The following APOB variants were observed in gnomAD, a reference collection of about 807,000 sequenced individuals.
The protein encoded by APOB is apolipoprotein B-100.
APOB carries 153 observed loss-of-function variants against 314.1 expected under a neutral mutation model. That is an observed-to-expected ratio of 0.49 (90% CI 0.43 to 0.56). The LOEUF (loss-of-function observed/expected upper bound fraction) is 0.56. Ranked by LOEUF, APOB falls within the 20% of genes least tolerant of loss-of-function variation. The probability of loss-of-function intolerance (pLI) is 0.00; values close to 1 mark genes in which losing one functional copy is unlikely to be tolerated. For synonymous variants in APOB, 2,087 were observed against 2,036.4 expected, an observed-to-expected ratio of 1.02 and a Z score of -0.67; for missense variants, 5,430 against 5,350.7, an observed-to-expected ratio of 1.01 and a Z score of -0.46.
chr2:21,018,117 A>G (rs1663520671), intron 20 of APOB, among the ~76,000 whole-genome samples: 1 of 152,092 alleles, frequency 6.6e-6, no homozygotes, highest in Non-Finnish European at 1.5e-5. Context: ...CTTACACTCA[A>G]CATCCACTGT....
At chr2:21,043,674 C>T (rs1447654742) in intron 1 of APOB, 123 bp from the exon 2 acceptor site, 39 of 1,499,764 alleles carry the variant, frequency 2.6e-5, no homozygotes, top group Non-Finnish European at 3.5e-5. Context: ...CCGGAGACCC[C>T]CTCCTCAGCC....
chr2:21,039,555 G>T (rs597331), intron 4 of APOB, among the ~76,000 whole-genome samples: 2 of 152,022 alleles, frequency 1.3e-5, no homozygotes, highest in Non-Finnish European at 2.9e-5. Flanking sequence ...TTCCCAACAC[G>T]AAGAAATGAT....
chr2:21,013,793 C>G (rs1476337388), intron 24 of APOB, among the ~76,000 whole-genome samples: 1 of 152,212 alleles, frequency 6.6e-6, no homozygotes, highest in African/African-American at 2.4e-5. Flanking sequence ...CTCATTCTTA[C>G]AGTTACATAG....
chr2:21,035,498 G>A, intron 7 of APOB, 86 bp downstream of exon 7: 1 of 1,543,480 alleles, frequency 6.5e-7, no homozygotes, highest in Non-Finnish European at 8.9e-7. Context: ...CCCAGGCACA[G>A]GTTTGCCTGG....
At position 21,035,856 on chromosome 2, in the gene APOB, A is replaced by G. The variant is rs898248693; in HGVS notation, c.694-148T>C. On this transcript the variant is annotated intron_variant, in intron 6 of 28. Coordinates refer to ENST00000233242, the MANE Select transcript of APOB (RefSeq NM_000384.3). The stretch of plus-strand genomic sequence containing the variant: ...TAACTGGGTACTTGACATTTAGACC[A>G]GGGGGTGCAACAAGTCGGCATCCCC... 8.1e-6 allele frequency: 7 copies of G among 859,310 alleles called. No homozygotes were observed. In the African/African-American group the frequency reaches 8.3e-5, roughly 10 times the overall value. 53.2% of individuals were successfully genotyped at this position (859,310 alleles called of 1,614,324 possible).
At chr2:21,031,323 A>G (rs988602625) in intron 10 of APOB, among the ~76,000 whole-genome samples, 12 of 152,242 alleles carry the variant, frequency 7.9e-5, no homozygotes, top group Non-Finnish European at 1.5e-4. Context: ...ACTGGAGGTC[A>G]TTGTCTTAAG....
Position 21,006,348 on chromosome 2 carries a change from C to G in APOB, c.10520G>C (p.Arg3507Pro), listed in dbSNP as rs201156840. The change falls in exon 26 of 29, where the codon CGG becomes CCG. Residue 3507 changes from arginine (R) to proline (P), a missense_variant. Transcript: ENST00000233242. Reference protein sequence around the residue: ...KGDVKGSVLSREYSGTIASEA... With the variant: ...KGDVKGSVLSPEYSGTIASEA... The stretch of plus-strand genomic sequence containing the variant: ...ACTAGCAATAGTTCCTGAATATTCC[C>G]GAGAAAGAACCGAACCCTTGACATC... The G allele has an allele frequency of 1.2e-4, 195 of 1,613,846 alleles. No individual in the cohort carries two copies. The highest frequency in any genetic ancestry group is 3.0e-5 in the Non-Finnish European group (35 of 1,179,948).
chr2:21,016,447 G>A lies in APOB; in HGVS notation c.3324C>T (p.Gly1108=). Residue 1108 remains glycine, a synonymous_variant, in exon 21 of 29, where the codon GGC becomes GGT. Coordinates refer to ENST00000233242, the MANE Select transcript of APOB (RefSeq NM_000384.3). ...CCCTCGGCCTTCTTTACCTTAGGTG[G>A]CCCATGAGGGCGACCTCAGTAATTT... The part of the protein sequence containing the change: ...NKKITEVALM[G]HLSCDTKEER... The A allele has an allele frequency of 4.4e-6, 7 of 1,591,334 alleles. No homozygotes were observed. The highest frequency in any genetic ancestry group is 6.0e-6 in the Non-Finnish European group (7 of 1,159,424).
chr2:21,008,127 A>G lies in APOB; in HGVS notation c.8741T>C (p.Leu2914Ser). ...AGTCCATGCTATGTGGCCAGCTTTCAACAGTGTCTTGATCTCGTTGCGCAG... is the reference window on the plus strand; with the variant it reads ...AGTCCATGCTATGTGGCCAGCTTTCGACAGTGTCTTGATCTCGTTGCGCAG... ...ADLRNEIKTL[L>S]KAGHIAWTSS... The change falls in exon 26 of 29, where the codon TTG becomes TCG. Residue 2914 changes from leucine (L) to serine (S), a missense_variant. Physicochemically the swap from Leu to Ser is moderately radical, Grantham distance 145. This residue lies in a region of APOB where 3,281 missense variants were observed against 3,171.0 expected (regional missense o/e 1.03). Coordinates refer to ENST00000233242, the MANE Select transcript of APOB (RefSeq NM_000384.3). 6.2e-7 allele frequency: 1 copy of G among 1,614,048 alleles called. No individual in the cohort carries two copies. Among genetic ancestry groups the G allele is most frequent in the Non-Finnish European group, 8.5e-7 (1 of 1,179,968 alleles).
Position 21,010,503 on chromosome 2 carries a change from G to A in APOB, c.6365C>T (p.Ala2122Val). ...RAALGKLPQQANDYLNSFNWE... is the reference protein window; with the variant it reads ...RAALGKLPQQVNDYLNSFNWE... ...ATTGAATGAATTCAGATAATCATTA[G>A]CTTGCTGTGGGAGTTTTCCCAGGGC... Residue 2122 changes from alanine to valine, a missense_variant, in exon 26 of 29, where the codon GCT becomes GTT. Physicochemically the swap from Ala to Val is moderately conservative, Grantham distance 64 (BLOSUM62 0). Around this residue, in one of 3 missense-constraint regions of APOB, gnomAD observed 3,281 missense variants for 3,171.0 expected, o/e 1.03. Transcript: ENST00000233242. 5 of 1,609,952 alleles carry A rather than the reference G, an allele frequency of 3.1e-6. No individual in the cohort carries two copies. The highest frequency in any genetic ancestry group is 4.2e-6 in the Non-Finnish European group (5 of 1,176,910).
chr2:21,009,259 A>G lies in APOB; in HGVS notation c.7609T>C (p.Ser2537Pro). The change falls in exon 26 of 29, where the codon TCT (serine) becomes CCT (proline). Residue 2537 changes from serine to proline, a missense_variant. Around this residue, in one of 3 missense-constraint regions of APOB, gnomAD observed 3,281 missense variants for 3,171.0 expected, o/e 1.03. Transcript: ENST00000233242. ...DIQQELQRYLSLVGQVYSTLV... is the reference protein window; with the variant it reads ...DIQQELQRYLPLVGQVYSTLV... ...GTGCTATAAACCTGGCCTACCAGAG[A>G]CAGGTATCGTTGAAGTTCCTGCTGA... 6.2e-7 allele frequency: 1 copy of G among 1,614,072 alleles called. No homozygotes were observed. Among genetic ancestry groups the G allele is most frequent in the Non-Finnish European group, 8.5e-7 (1 of 1,179,952 alleles).
Position 21,009,532 on chromosome 2 carries a change from C to T in APOB, c.7336G>A (p.Val2446Met), listed in dbSNP as rs777259835. ...VDETNDKIRE[V>M]TQRLNGEIQA... is the part of the protein sequence containing the mutation. ...ATTTCACCATTGAGTCTCTGAGTCA[C>T]CTCACGGATTTTGTCATTGGTTTCA... The change falls in exon 26 of 29, where the codon GTG becomes ATG. Residue 2446 changes from valine (V) to methionine (M), a missense_variant. Physicochemically the swap from Val to Met is conservative, Grantham distance 21. Coordinates refer to ENST00000233242, the MANE Select transcript of APOB (RefSeq NM_000384.3). 3.3e-5 allele frequency: 54 copies of T among 1,613,928 alleles called. No individual in the cohort carries two copies. The highest frequency in any genetic ancestry group is 4.2e-5 in the Non-Finnish European group (49 of 1,179,982).
rs541583623 is a variant in APOB at position 21,022,752 on chromosome 2, T to C, written c.2816+79A>G. ...GACCTGAATGATCTCAATCAACTGT[T>C]TAGCCTGGCAAAATTCTGCAGGTAC... is the stretch of plus-strand genomic sequence containing the variant. On this transcript the variant is annotated intron_variant, in intron 18 of 28. Transcript: ENST00000233242. The C allele has an allele frequency of 5.9e-5, 81 of 1,384,402 alleles. 1 individual carries two copies. The South Asian group carries it at 9.4e-4, about 16-fold the overall frequency. 85.8% of individuals were successfully genotyped at this position (1,384,402 alleles called of 1,614,324 possible).
At chr2:21,017,028 A>C (rs1342914744) in intron 20 of APOB, among the ~76,000 whole-genome samples, 1 of 129,194 alleles carries the variant, frequency 7.7e-6, no homozygotes, top group South Asian at 2.2e-4. Context: ...CAAACAAATA[A>C]ATAAATAAAT....
intron 18 of APOB, among the ~76,000 whole-genome samples, chr2:21,021,146 T>G (rs1663596338): frequency 6.6e-6 from 1 of 152,190 alleles, no homozygotes; most frequent in Non-Finnish European, 1.5e-5. Flanking sequence ...ATACAGCACA[T>G]CCAAAACTGA....
rs1471496781 is a variant in APOB at position 21,002,348 on chromosome 2, CT to C, written c.13073del (p.Lys4358SerfsTer36). The C allele has an allele frequency of 6.2e-7, 1 of 1,611,306 alleles. No homozygotes were observed. The highest frequency in any genetic ancestry group is 2.2e-5 in the East Asian group (1 of 44,864). ...LKENLCLNLHKFNEFIQNELQ... is the reference protein window; with the variant it reads ...LKENLCLNLHXFNEFIQNELQ... Reference sequence around the variant, plus strand: ...GCTCGTTTTGAATAAATTCATTGAACTTATGAAGATTAAGGCATAGGTTTTC... The same window carrying C: ...GCTCGTTTTGAATAAATTCATTGAACTATGAAGATTAAGGCATAGGTTTTC... On this transcript the variant is annotated frameshift_variant, in exon 29 of 29. Coordinates refer to ENST00000233242, the MANE Select transcript of APOB (RefSeq NM_000384.3). LOFTEE classifies it low-confidence loss of function (END_TRUNC).
Position 21,038,014 on chromosome 2 carries a change from T to C in APOB, c.481A>G (p.Ile161Val). 1 of 1,614,232 alleles carries C rather than the reference T, an allele frequency of 6.2e-7. No homozygotes were observed. The highest frequency in any genetic ancestry group is 8.5e-7 in the Non-Finnish European group (1 of 1,180,044). The change falls in exon 5 of 29, where the codon ATT becomes GTT. Residue 161 changes from isoleucine to valine, a missense_variant. Ile to Val is a conservative substitution (Grantham distance 29). Around this residue, in one of 3 missense-constraint regions of APOB, gnomAD observed 2,085 missense variants for 2,079.7 expected, o/e 1.00. Coordinates refer to ENST00000233242, the MANE Select transcript of APOB (RefSeq NM_000384.3). The stretch of plus-strand genomic sequence containing the variant: ...TCTGGGGGAACCAGGAGGGCAGAAA[T>C]GATGCCCCTCTTGATGTTCAGGATG... ...TYILNIKRGI[I>V]SALLVPPETE...
At position 21,010,935 on chromosome 2, in the gene APOB, G is replaced by C. The variant is rs1663297654; in HGVS notation, c.5933C>G (p.Thr1978Arg). Reference sequence around the variant, plus strand: ...TTGGGTCTTGAGTTTCCAGGTGCCTGTCTGCTCAGCTGGAGTAAGCAGGGC... The same window carrying C: ...TTGGGTCTTGAGTTTCCAGGTGCCTCTCTGCTCAGCTGGAGTAAGCAGGGC... ...VSALLTPAEQ[T>R]GTWKLKTQFN... Residue 1978 changes from threonine to arginine, a missense_variant, in exon 26 of 29, where the codon ACA becomes AGA. Physicochemically the swap from Thr to Arg is moderately conservative, Grantham distance 71 (BLOSUM62 -1). Coordinates refer to ENST00000233242, the MANE Select transcript of APOB (RefSeq NM_000384.3). The C allele has an allele frequency of 6.2e-7, 1 of 1,614,136 alleles. No homozygotes were observed. The highest frequency in any genetic ancestry group is 8.5e-7 in the Non-Finnish European group (1 of 1,180,010).
Position 21,010,459 on chromosome 2 carries a change from G to A in APOB, c.6409C>T (p.His2137Tyr). 3 of 1,609,502 alleles carry A rather than the reference G, an allele frequency of 1.9e-6. No individual in the cohort carries two copies. The highest frequency in any genetic ancestry group is 2.5e-6 in the Non-Finnish European group (3 of 1,176,508). ...AGAGCAGTCAGTTTCTCCTTGGCAT[G>A]TGAAACTTGTCTCTCCCAATTGAAT... ...NSFNWERQVS[H>Y]AKEKLTALTK... Residue 2137 changes from histidine to tyrosine, a missense_variant, in exon 26 of 29, where the codon CAT (histidine) becomes TAT (tyrosine). His to Tyr is a moderately conservative substitution (Grantham distance 83, BLOSUM62 2). Transcript: ENST00000233242.
Sources: allele counts gnomAD v4.1 joint callset (sites outside exome capture counted in the v4.1 genomes callset), GRCh38; gene constraint gnomAD v4.1.1; regional missense constraint gnomAD v4.1.1; transcripts MANE v1.5; gene names NCBI Gene and HGNC (gene_info 2026-07-23, HGNC 2026-07-21).